The following ARAP3 variants were observed in gnomAD, a reference collection of about 807,000 sequenced individuals.
ARAP3 encodes arf-GAP with Rho-GAP domain, ANK repeat and PH domain-containing protein 3.
Under a neutral mutation model 169.2 loss-of-function variants are expected in ARAP3, and 82 were observed. The ratio of observed to expected loss-of-function variants is 0.48; its 90% CI spans 0.41 to 0.58. The LOEUF is 0.58. Ranked by LOEUF, ARAP3 falls within the 20% of genes least tolerant of loss-of-function variation. The probability of loss-of-function intolerance (pLI) is 0.00; values close to 1 mark genes in which losing one functional copy is unlikely to be tolerated. For missense variants in ARAP3, 1,764 were observed against 2,018.0 expected (o/e 0.87, Z 2.41); for synonymous variants, 791 against 800.3 (o/e 0.99, Z 0.20).
Position 141,654,274 on chromosome 5 carries a change from G to T in ARAP3, c.4311C>A (p.Asn1437Lys), listed in dbSNP as rs756501468. 3 of 1,614,128 alleles carry T rather than the reference G, an allele frequency of 1.9e-6. No homozygotes were observed. Among genetic ancestry groups the T allele is most frequent in the Non-Finnish European group, 2.5e-6 (3 of 1,180,022 alleles). The change falls in exon 33 of 33, where the codon AAC becomes AAA. Residue 1437 changes from asparagine (N) to lysine (K), a missense_variant. This residue lies in a region of ARAP3 where 1,112 missense variants were observed against 1,285.7 expected (regional missense o/e 0.86). Coordinates refer to ENST00000239440, the MANE Select transcript of ARAP3 (RefSeq NM_022481.6). ...TTREWTVKPE[N>K]PLTSQKSLDQ... is the part of the protein sequence containing the mutation. ...CCAATGACTTCTGGCTGGTGAGGGGGTTCTCTGGCTTCACTGTCCACTCCC... is the reference window on the plus strand; with the variant it reads ...CCAATGACTTCTGGCTGGTGAGGGGTTTCTCTGGCTTCACTGTCCACTCCC...
intron 5 of ARAP3, 48 bp from the exon 6 acceptor site, chr5:141,673,518 AG>A: frequency 6.2e-7 from 1 of 1,613,710 alleles, no homozygotes; most frequent in South Asian, 1.1e-5. Context: ...GCATGGGGTT[AG>A]GGGGATCATA....
Position 141,672,084 on chromosome 5 carries a change from C to T in ARAP3, c.1585+18G>A. 1 of 1,614,128 alleles carries T rather than the reference C, an allele frequency of 6.2e-7. No individual in the cohort carries two copies. Among genetic ancestry groups the T allele is most frequent in the South Asian group, 1.1e-5 (1 of 91,090 alleles). ...CCAGCCCTCCTGTTCCCCACATGGG[C>T]TTGAGGCCATTCCTCACCTGCACAC... On this transcript the variant is annotated intron_variant, in intron 10 of 32. Transcript: ENST00000239440. The surrounding 1 kb of genome is among the most constrained non-coding windows in gnomAD (Gnocchi z 4.9).
chr5:141,656,795 C>T lies in ARAP3; in HGVS notation c.3578G>A (p.Cys1193Tyr). The T allele has an allele frequency of 6.2e-7, 1 of 1,612,754 alleles. No individual in the cohort carries two copies. The highest frequency in any genetic ancestry group is 8.5e-7 in the Non-Finnish European group (1 of 1,179,452). The change falls in exon 26 of 33, where the codon TGC becomes TAC. Residue 1193 changes from cysteine (C) to tyrosine (Y), a missense_variant. Around this residue, in one of 3 missense-constraint regions of ARAP3, gnomAD observed 1,112 missense variants for 1,285.7 expected, o/e 0.86. Coordinates refer to ENST00000239440, the MANE Select transcript of ARAP3 (RefSeq NM_022481.6). Reference sequence around the variant, plus strand: ...AGCTGAGCAGGGCTCTGGGAGCTGGCACCATTGTAAAGCCTGCTCTAAGAC... The same window carrying T: ...AGCTGAGCAGGGCTCTGGGAGCTGGTACCATTGTAAAGCCTGCTCTAAGAC... Reference protein sequence around the residue: ...EKVLEQALQWCQLPEPCSASL... With the variant: ...EKVLEQALQWYQLPEPCSASL...
At position 141,659,761 on chromosome 5, in the gene ARAP3, G is replaced by C. The variant is rs760560439; in HGVS notation, c.3267+18C>G. ...GTAGGGGAAAGGGGTTGTGGGTTAG[G>C]GGTCAGGAAAGCCTTACATCAAAGA... On this transcript the variant is annotated intron_variant, in intron 22 of 32. Coordinates refer to ENST00000239440, the MANE Select transcript of ARAP3 (RefSeq NM_022481.6). The C allele has an allele frequency of 1.2e-6, 2 of 1,604,750 alleles. No homozygotes were observed. The highest frequency in any genetic ancestry group is 1.1e-5 in the South Asian group (1 of 90,482).
At chr5:141,678,543 CTT>C (rs904478886) in intron 4 of ARAP3, among the ~76,000 whole-genome samples, 29 of 148,260 alleles carry the variant, frequency 2.0e-4, no homozygotes, top group Admixed American at 1.1e-3. Flanking sequence ...CCCAAGCCCT[CTT>C]TTTTTTTTTC....
In ARAP3 at chr5:141,654,381, C is replaced by T. The variant is rs2154598615; in HGVS notation, c.4204G>A (p.Val1402Met). The T allele has an allele frequency of 6.2e-7, 1 of 1,611,964 alleles. No individual in the cohort carries two copies. Among genetic ancestry groups the T allele is most frequent in the Non-Finnish European group, 8.5e-7 (1 of 1,178,840 alleles). The change falls in exon 33 of 33, where the codon GTG (valine) becomes ATG (methionine). Residue 1402 changes from valine (V) to methionine (M), a missense_variant. Val to Met is a conservative substitution (Grantham distance 21, BLOSUM62 1). Coordinates refer to ENST00000239440, the MANE Select transcript of ARAP3 (RefSeq NM_022481.6). ...VEEQEELEEP[V>M]YEEPVYEEVG... ...TCCTCATACACTGGCTCCTCGTACA[C>T]AGGCTCCTCCAGCTCCTCTTGCTCC...
chr5:141,671,435 T>C lies in ARAP3; in HGVS notation c.1855-35A>G. 6.3e-7 allele frequency: 1 copy of C among 1,596,024 alleles called. No individual in the cohort carries two copies. Among genetic ancestry groups the C allele is most frequent in the South Asian group, 1.1e-5 (1 of 88,746 alleles). On this transcript the variant is annotated intron_variant, in intron 12 of 32. Transcript: ENST00000239440. The surrounding 1 kb of genome is among the most constrained non-coding windows in gnomAD (Gnocchi z 4.9). ...GGGAAGGGCCTCTGTCAGCCCCAAA[T>C]CCCAAACTGAGAGCACTGGGGACAG...
Position 141,680,256 on chromosome 5 carries a change from ACTAT to A in ARAP3, c.227_230del (p.Asp76ValfsTer40). On this transcript the variant is annotated frameshift_variant, in exon 2 of 33. Coordinates refer to ENST00000239440, the MANE Select transcript of ARAP3 (RefSeq NM_022481.6). LOFTEE classifies it high-confidence loss of function. ...CTGGGCTGGGGGATGGTTCCATGGC[ACTAT>A]CTGATTTGGGATCCAGGGAGCCCTC... 1 of 1,614,100 alleles carries A rather than the reference ACTAT, an allele frequency of 6.2e-7. No individual in the cohort carries two copies. The highest frequency in any genetic ancestry group is 8.5e-7 in the Non-Finnish European group (1 of 1,179,994).
intron 22 of ARAP3, 64 bp downstream of exon 22, chr5:141,659,715 G>C (rs2099909700): frequency 6.4e-7 from 1 of 1,568,762 alleles, no homozygotes; most frequent in Non-Finnish European, 8.7e-7. Context: ...TCAGGATCCA[G>C]AGTCTCTGGG....
chr5:141,679,544 C>A lies in ARAP3; in HGVS notation c.698+1G>T, dbSNP rs1440284059. On this transcript the variant is annotated splice_donor_variant, in intron 4 of 32. Coordinates refer to ENST00000239440, the MANE Select transcript of ARAP3 (RefSeq NM_022481.6). LOFTEE classifies it high-confidence loss of function. ...CCACCACTTCCCTATTTAGTACTCA[C>A]CTGTGTTCAGCCCTGCCCTGACAAA... The A allele has an allele frequency of 6.2e-7, 1 of 1,613,984 alleles. No homozygotes were observed. Among genetic ancestry groups the A allele is most frequent in the Non-Finnish European group, 8.5e-7 (1 of 1,179,944 alleles).
At chr5:141,655,448 A>T (rs1044857712) in intron 31 of ARAP3, 48 bp from the exon 32 acceptor site, 16 of 1,582,412 alleles carry the variant, frequency 1.0e-5, no homozygotes, top group Non-Finnish European at 1.3e-5. Context: ...ACATAAAGAC[A>T]CAGTGAGGAC....
At chr5:141,676,534 T>C (rs977475024) in intron 4 of ARAP3, among the ~76,000 whole-genome samples, 1 of 152,184 alleles carries the variant, frequency 6.6e-6, no homozygotes, top group African/African-American at 2.4e-5. Flanking sequence ...AGATCCCCAG[T>C]GACCTCCAAT....
At position 141,671,451 on chromosome 5, in the gene ARAP3, C is replaced by G. The variant is rs771353269; in HGVS notation, c.1855-51G>C. On this transcript the variant is annotated intron_variant, in intron 12 of 32. Coordinates refer to ENST00000239440, the MANE Select transcript of ARAP3 (RefSeq NM_022481.6). This position sits in a 1 kb window ranked among gnomAD's most constrained non-coding sequence, Gnocchi z 4.9. ...AGCCCCAAATCCCAAACTGAGAGCACTGGGGACAGTCGTATCATCACTAAA... is the reference window on the plus strand; with the variant it reads ...AGCCCCAAATCCCAAACTGAGAGCAGTGGGGACAGTCGTATCATCACTAAA... 2 of 1,595,668 alleles carry G rather than the reference C, an allele frequency of 1.3e-6. No individual in the cohort carries two copies. The highest frequency in any genetic ancestry group is 1.7e-6 in the Non-Finnish European group (2 of 1,170,116).
chr5:141,679,656 A>C lies in ARAP3; in HGVS notation c.587T>G (p.Val196Gly), dbSNP rs372228658. ...TPALRPTTGTVHIMDPGCLYY... is the reference protein window; with the variant it reads ...TPALRPTTGTGHIMDPGCLYY... ...CAGGCAACCAGGATCCATGATGTGC[A>C]CTGGCAGGAGGAGAGGGGAACGCAC... The change falls in exon 4 of 33, where the codon GTG becomes GGG. Residue 196 changes from valine (V) to glycine (G), a missense_variant and splice_region_variant. Around this residue, in one of 3 missense-constraint regions of ARAP3, gnomAD observed 630 missense variants for 678.7 expected, o/e 0.93. Coordinates refer to ENST00000239440, the MANE Select transcript of ARAP3 (RefSeq NM_022481.6). The C allele has an allele frequency of 1.2e-6, 2 of 1,614,082 alleles. No homozygotes were observed. Among genetic ancestry groups the C allele is most frequent in the Non-Finnish European group, 1.7e-6 (2 of 1,179,988 alleles).
In ARAP3 at chr5:141,671,787, G is replaced by C. The variant is rs1562419475; in HGVS notation, c.1672-35C>G. On this transcript the variant is annotated intron_variant, in intron 11 of 32. Coordinates refer to ENST00000239440, the MANE Select transcript of ARAP3 (RefSeq NM_022481.6). This position sits in a 1 kb window ranked among gnomAD's most constrained non-coding sequence, Gnocchi z 4.9. ...GACAAGGGACAAAGGCAGGTGACAG[G>C]AACTCAAGAGTCCTCAGATGTTCCA... The C allele has an allele frequency of 7.5e-6, 12 of 1,599,252 alleles. No homozygotes were observed. The highest frequency in any genetic ancestry group is 9.4e-6 in the Non-Finnish European group (11 of 1,171,108).
rs770469996 is a variant in ARAP3, at chr5:141,656,114, A to G, written c.3873-15T>C. The G allele has an allele frequency of 1.2e-6, 2 of 1,614,130 alleles. No homozygotes were observed. The highest frequency in any genetic ancestry group is 2.2e-5 in the South Asian group (2 of 91,074). ...TGAAGCCCCACCTGGGAGACAAAGA[A>G]CAGTGATGGGGCAGTCAGAAAGGGC... On this transcript the variant is annotated splice_polypyrimidine_tract_variant and intron_variant, in intron 28 of 32. Transcript: ENST00000239440.
chr5:141,680,757 T>C (rs1596502030), intron 1 of ARAP3: 1 of 575,806 alleles, frequency 1.7e-6, no homozygotes, highest in East Asian at 3.2e-5. Flanking sequence ...TCACAGTAAG[T>C]CAGTGCTAGA....
At chr5:141,673,886 CTCACA>C (rs778116581) in intron 4 of ARAP3, 78 bp from the exon 5 acceptor site, 281 of 1,319,954 alleles carry the variant, frequency 2.1e-4, no homozygotes, top group Non-Finnish European at 2.7e-4. Flanking sequence ...CTCCATCCTA[CTCACA>C]TCACCTAAGA....
rs2099911717 is a variant in ARAP3 at position 141,673,463 on chromosome 5, CAT to C, written c.908_909del (p.Tyr303CysfsTer20). On this transcript the variant is annotated frameshift_variant, in exon 6 of 33. Transcript: ENST00000239440. LOFTEE classifies it high-confidence loss of function. ...WLDKLSPQGN[Y>X]VFQRRFVQFN... ...AACTGCACAAAGCGTCTCTGGAAGA[CAT>C]AGTTTCTGAGGAAGGAAGGAGCCAA... 1.2e-6 allele frequency: 2 copies of C among 1,614,150 alleles called. No homozygotes were observed. The highest frequency in any genetic ancestry group is 1.7e-6 in the Non-Finnish European group (2 of 1,180,040).
Sources: allele counts gnomAD v4.1 joint callset (sites outside exome capture counted in the v4.1 genomes callset), GRCh38; gene constraint gnomAD v4.1.1; regional missense constraint gnomAD v4.1.1; non-coding constraint Gnocchi (gnomAD v3.1); transcripts MANE v1.5; gene names NCBI Gene and HGNC (gene_info 2026-07-23, HGNC 2026-07-21).